The following MECOM variants were observed in gnomAD, a reference collection of about 807,000 sequenced individuals.
The protein encoded by MECOM is histone-lysine N-methyltransferase MECOM.
MECOM carries 13 observed loss-of-function variants against 116.3 expected under a neutral mutation model. The ratio of observed to expected loss-of-function variants is 0.11; its 90% CI spans 0.07 to 0.18. The LOEUF is 0.18. Among genes scored for constraint, MECOM ranks in the 10% least tolerant of loss-of-function variants. MECOM has a pLI of 1.00. For missense variants in MECOM, 1,299 were observed against 1,509.0 expected (o/e 0.86, Z 2.31); for synonymous variants, 528 against 535.2 (o/e 0.99, Z 0.19).
chr3:169,131,731 A>C (rs572804945), intron 3 of MECOM, 200 bp from the exon 4 acceptor site: 1 of 629,108 alleles, frequency 1.6e-6, no homozygotes, highest in East Asian at 3.1e-5. Flanking sequence ...GAAAGCTGTG[A>C]CTCTCAAGCC....
At chr3:169,395,554 C>T (rs1010371180) in intron 1 of MECOM, among the ~76,000 whole-genome samples, 9 of 152,124 alleles carry the variant, frequency 5.9e-5, no homozygotes, top group Admixed American at 5.2e-4. Flanking sequence ...AACAACCAAA[C>T]ACAGTCAATT....
At chr3:169,556,475 T>C (rs535841554) in intron 1 of MECOM, among the ~76,000 whole-genome samples, 2 of 152,162 alleles carry the variant, frequency 1.3e-5, no homozygotes, top group Non-Finnish European at 2.9e-5. Flanking sequence ...AGTCATTGGG[T>C]AACTGAACAA....
chr3:169,495,511 A>G (rs1753705686), intron 1 of MECOM, among the ~76,000 whole-genome samples: 1 of 152,222 alleles, frequency 6.6e-6, no homozygotes, highest in East Asian at 1.9e-4. Flanking sequence ...GCATAATAGA[A>G]GAGACTATAT....
intron 10 of MECOM, among the ~76,000 whole-genome samples, chr3:169,105,849 C>G (rs1310484648): frequency 6.6e-6 from 1 of 152,094 alleles, no homozygotes; most frequent in African/African-American, 2.4e-5. Context: ...TTCCCTAGCT[C>G]CTACCAAAAA....
intron 1 of MECOM, among the ~76,000 whole-genome samples, chr3:169,499,668 A>G (rs1754295441): frequency 1.3e-5 from 2 of 152,106 alleles, no homozygotes; most frequent in Admixed American, 1.3e-4. Context: ...ATAAGTCAAC[A>G]AAACATGCTG....
At chr3:169,531,315 C>A (rs1236690685) in intron 1 of MECOM, among the ~76,000 whole-genome samples, 1 of 152,160 alleles carries the variant, frequency 6.6e-6, no homozygotes, top group Non-Finnish European at 1.5e-5. Flanking sequence ...CATAAACAAA[C>A]CAATGCAGAG....
chr3:169,432,681 T>C (rs978230388), intron 1 of MECOM, among the ~76,000 whole-genome samples: 4 of 152,246 alleles, frequency 2.6e-5, no homozygotes, highest in African/African-American at 9.6e-5. Flanking sequence ...ATTTCATTCT[T>C]CTTCTTTACT....
intron 2 of MECOM, among the ~76,000 whole-genome samples, chr3:169,322,925 G>T (rs541202910): frequency 9.5e-5 from 14 of 148,100 alleles, no homozygotes; most frequent in Non-Finnish European, 1.6e-4. Context: ...TTGAACCCGG[G>T]GGGGGCAGAG....
At chr3:169,403,930 G>T (rs886840237) in intron 1 of MECOM, among the ~76,000 whole-genome samples, 1 of 152,070 alleles carries the variant, frequency 6.6e-6, no homozygotes, top group African/African-American at 2.4e-5. Flanking sequence ...TAGTGTACAT[G>T]CACTTAGTTC....
At chr3:169,179,809 C>T (rs1745708896) in intron 2 of MECOM, among the ~76,000 whole-genome samples, 1 of 152,146 alleles carries the variant, frequency 6.6e-6, no homozygotes, top group Non-Finnish European at 1.5e-5. Context: ...TATTATATTT[C>T]CTTCAGTCCA....
chr3:169,308,442 T>C (rs1029906694), intron 2 of MECOM, among the ~76,000 whole-genome samples: 4 of 152,242 alleles, frequency 2.6e-5, no homozygotes, highest in Admixed American at 6.5e-5. Context: ...AATAATTCTA[T>C]GTGTTAAAGA....
intron 1 of MECOM, among the ~76,000 whole-genome samples, chr3:169,457,585 G>T (rs1274884404): frequency 1.1e-4 from 16 of 152,128 alleles, no homozygotes; most frequent in Admixed American, 8.5e-4. Context: ...AGAAAAAAAT[G>T]AACCACAATC....
intron 1 of MECOM, among the ~76,000 whole-genome samples, chr3:169,564,795 C>A (rs1303666973): frequency 6.6e-6 from 1 of 151,940 alleles, no homozygotes; most frequent in Non-Finnish European, 1.5e-5. Context: ...CACTTAAAAA[C>A]CATAGCGCTT....
intron 2 of MECOM, among the ~76,000 whole-genome samples, chr3:169,333,355 C>T (rs990912319): frequency 6.6e-6 from 1 of 152,056 alleles, no homozygotes; most frequent in South Asian, 2.1e-4. Flanking sequence ...AAAATAGCCA[C>T]TGTATTTTAG....
intron 3 of MECOM, among the ~76,000 whole-genome samples, chr3:169,139,962 TA>T (rs34041022): frequency 0.51 from 74,704 of 146,316 alleles, 21,158 homozygotes; most frequent in African/African-American, 0.79. Flanking sequence ...TAGTTTTCTT[TA>T]AAAAAAAAAA....
chr3:169,305,387 T>C (rs781736210), intron 2 of MECOM, among the ~76,000 whole-genome samples: 1 of 152,054 alleles, frequency 6.6e-6, no homozygotes, highest in African/African-American at 2.4e-5. Context: ...AGACAAGGAC[T>C]AATAAATGAT....
intron 2 of MECOM, among the ~76,000 whole-genome samples, chr3:169,256,695 G>A (rs2901464): frequency 6.6e-6 from 1 of 152,202 alleles, no homozygotes; most frequent in African/African-American, 2.4e-5. Context: ...GCTGGATCCA[G>A]TAGATACACT....
rs139421409 is a variant in MECOM, at chr3:169,164,180, G to A, written c.376-20348C>T. ...TCTCACATGTTGTGGGAGGGACCCA[G>A]TGGGAGATGATTGAATTATGAGGGT... On this transcript the variant is annotated intron_variant, in intron 2 of 16. Transcript: ENST00000651503. Among the ~76,000 whole-genome samples, 791 of 152,244 alleles carry A rather than the reference G, an allele frequency of 5.2e-3. 3 individuals carry two copies. Among genetic ancestry groups the A allele is most frequent in the South Asian group, 0.02 (97 of 4,820 alleles).
chr3:169,599,949 A>C (rs1430201891), intron 1 of MECOM, among the ~76,000 whole-genome samples: 1 of 152,124 alleles, frequency 6.6e-6, no homozygotes, highest in Non-Finnish European at 1.5e-5. Context: ...GATATATGTA[A>C]TATTCTGCAC....
Sources: allele counts gnomAD v4.1 joint callset (sites outside exome capture counted in the v4.1 genomes callset), GRCh38; gene constraint gnomAD v4.1.1; transcripts MANE v1.5; gene names NCBI Gene and HGNC (gene_info 2026-07-23, HGNC 2026-07-21).